Variants in TNPO1 observed in about 807,000 individuals in gnomAD.
The protein encoded by TNPO1 is transportin 1.
TNPO1 carries 8 observed loss-of-function variants against 119.5 expected under a neutral mutation model. The observed-to-expected ratio is 0.07, with a 90% confidence interval of 0.04 to 0.12. The LOEUF (loss-of-function observed/expected upper bound fraction) is 0.12, where lower values mean the gene tolerates loss of function less well. TNPO1 is among the 10% of genes least tolerant of loss of function. The pLI, the probability that TNPO1 is intolerant of heterozygous loss-of-function variation, is 1.00. For missense variants in TNPO1, 576 were observed against 1,089.8 expected, an observed-to-expected ratio of 0.53 and a Z score of 6.64; for synonymous variants, 362 against 363.0, an observed-to-expected ratio of 1.00 and a Z score of 0.03.
chr5:72,832,925 T>A (rs1744542326), intron 1 of TNPO1, among the ~76,000 whole-genome samples: 1 of 152,158 alleles, frequency 6.6e-6, no homozygotes, highest in Non-Finnish European at 1.5e-5. Context: ...TTCATTAGAC[T>A]TCCTACCTTT....
intron 14 of TNPO1, among the ~76,000 whole-genome samples, chr5:72,891,290 C>A (rs1028298155): frequency 6.6e-6 from 1 of 152,032 alleles, no homozygotes; most frequent in African/African-American, 2.4e-5. Context: ...CACGGTGAAA[C>A]CCTGTCTCTT....
chr5:72,879,001 C>T, intron 9 of TNPO1: 2 of 441,834 alleles, frequency 4.5e-6, no homozygotes, highest in Admixed American at 2.8e-5. Flanking sequence ...GTTTAGTTTG[C>T]CGCCAGGAGT....
chr5:72,874,316 C>G (rs1747613394), intron 7 of TNPO1, among the ~76,000 whole-genome samples: 1 of 152,056 alleles, frequency 6.6e-6, no homozygotes, highest in Non-Finnish European at 1.5e-5. Flanking sequence ...GGTATCATGT[C>G]TGCTAAGTCT....
Position 72,871,445 on chromosome 5 carries a change from T to C in TNPO1, c.597-1194T>C, listed in dbSNP as rs145971724. On this transcript the variant is annotated intron_variant, in intron 6 of 24. Transcript: ENST00000337273. Reference sequence around the variant, plus strand: ...ACTGCAGAACCAAAAATCAACTGTTTTTGGCACAGTGGTTAAGACAAAGAA... The same window carrying C: ...ACTGCAGAACCAAAAATCAACTGTTCTTGGCACAGTGGTTAAGACAAAGAA... Among the ~76,000 whole-genome samples, 25 of 152,336 alleles carry C rather than the reference T, an allele frequency of 1.6e-4. No homozygotes were observed. The East Asian group carries it at 4.6e-3, about 28-fold the overall frequency.
At chr5:72,893,326 T>G in intron 16 of TNPO1, 51 bp from the exon 17 acceptor site, 4 of 1,606,146 alleles carry the variant, frequency 2.5e-6, no homozygotes, top group Non-Finnish European at 2.5e-6. Context: ...ACAGACTTTT[T>G]AAGTAGTTAA....
intron 1 of TNPO1, chr5:72,848,011 T>C (rs1745212996): frequency 2.1e-6 from 2 of 971,832 alleles, no homozygotes; most frequent in Non-Finnish European, 2.4e-6. Flanking sequence ...CTTAAGTCAG[T>C]AGTAATCTGG....
intron 5 of TNPO1, among the ~76,000 whole-genome samples, chr5:72,863,102 G>A (rs967437179): frequency 6.6e-6 from 1 of 151,532 alleles, no homozygotes; most frequent in Non-Finnish European, 1.5e-5. Flanking sequence ...GGGGAGAGAG[G>A]ATGATTTCTC....
chr5:72,907,302 C>T (rs1750242270), intron 24 of TNPO1, among the ~76,000 whole-genome samples: 1 of 152,144 alleles, frequency 6.6e-6, no homozygotes, highest in East Asian at 1.9e-4. Flanking sequence ...AGATTTATTA[C>T]CTCTGTGGTC....
In TNPO1 at chr5:72,830,690, T is replaced by C. The variant is rs566825308; in HGVS notation, c.15+13938T>C. Among the ~76,000 whole-genome samples the C allele has an allele frequency of 2.0e-5, 3 of 152,302 alleles. No homozygotes were observed. The East Asian group carries it at 5.8e-4, about 29-fold the overall frequency. ...TATGTATTTTATTAACTGTAAATAA[T>C]ATGGATCAGTTACTACATGAAATTA... On this transcript the variant is annotated intron_variant, in intron 1 of 24. Transcript: ENST00000337273.
chr5:72,838,900 G>T (rs1337280158), intron 1 of TNPO1, among the ~76,000 whole-genome samples: 1 of 152,108 alleles, frequency 6.6e-6, no homozygotes, highest in Non-Finnish European at 1.5e-5. Context: ...TTAACTCACA[G>T]GGTAGTTTTG....
intron 1 of TNPO1, among the ~76,000 whole-genome samples, chr5:72,839,408 C>T (rs746073467): frequency 9.9e-5 from 15 of 152,098 alleles, no homozygotes; most frequent in Admixed American, 2.0e-4. Flanking sequence ...TTATTATTTA[C>T]TGGAGATAAA....
intron 13 of TNPO1, among the ~76,000 whole-genome samples, chr5:72,888,584 A>G (rs1464921316): frequency 6.6e-6 from 1 of 152,228 alleles, no homozygotes; most frequent in African/African-American, 2.4e-5. Context: ...TAAATGTGAC[A>G]ACATCGATCT....
chr5:72,881,155 G>T (rs1466340675), intron 9 of TNPO1, among the ~76,000 whole-genome samples: 1 of 151,862 alleles, frequency 6.6e-6, no homozygotes, highest in African/African-American at 2.4e-5. Context: ...CTGTTTCCCA[G>T]GCTGGAGTGC....
intron 1 of TNPO1, among the ~76,000 whole-genome samples, chr5:72,823,237 C>T (rs1293197265): frequency 6.6e-6 from 1 of 152,104 alleles, no homozygotes; most frequent in Non-Finnish European, 1.5e-5. Flanking sequence ...GACTATGCTT[C>T]CTCCTTTCTC....
intron 24 of TNPO1, among the ~76,000 whole-genome samples, chr5:72,905,848 G>C (rs1750104319): frequency 6.6e-6 from 1 of 152,164 alleles, no homozygotes; most frequent in South Asian, 2.1e-4. Context: ...AGTGAGCCAA[G>C]ATCTTGCCAG....
intron 7 of TNPO1, among the ~76,000 whole-genome samples, chr5:72,873,006 C>T (rs1018213347): frequency 6.6e-6 from 1 of 151,896 alleles, no homozygotes; most frequent in Non-Finnish European, 1.5e-5. Flanking sequence ...AAAATTTTTC[C>T]TTCAATATAC....
intron 1 of TNPO1, among the ~76,000 whole-genome samples, chr5:72,832,742 A>T (rs1311981858): frequency 6.6e-6 from 1 of 152,184 alleles, no homozygotes. Flanking sequence ...GCTCAGAAAC[A>T]AAATAGTGTA....
At chr5:72,873,432 G>A (rs911710471) in intron 7 of TNPO1, among the ~76,000 whole-genome samples, 6 of 152,192 alleles carry the variant, frequency 3.9e-5, no homozygotes, top group Middle Eastern at 3.4e-3. Context: ...GGGGGGTTAC[G>A]TTACTTTTTT....
chr5:72,858,076 A>T (rs1234163211), intron 4 of TNPO1, among the ~76,000 whole-genome samples: 1 of 152,208 alleles, frequency 6.6e-6, no homozygotes, highest in African/African-American at 2.4e-5. Flanking sequence ...ATTGTGAGGG[A>T]CCACTGCAGT....
Sources: allele counts gnomAD v4.1 joint callset (sites outside exome capture counted in the v4.1 genomes callset), GRCh38; gene constraint gnomAD v4.1.1; transcripts MANE v1.5; gene names NCBI Gene and HGNC (gene_info 2026-07-23, HGNC 2026-07-21).